Variants in IQGAP2 observed in about 807,000 individuals in gnomAD.
IQGAP2 encodes IQ motif containing GTPase activating protein 2, also known as ras GTPase-activating-like protein IQGAP2.
IQGAP2 carries 173 observed loss-of-function variants against 201.3 expected under a neutral mutation model. The observed-to-expected ratio is 0.86, with a 90% CI of 0.76 to 0.98. IQGAP2 has a LOEUF of 0.98. IQGAP2 is among the 50% of genes least tolerant of loss of function. The pLI, the probability that IQGAP2 is intolerant of heterozygous loss-of-function variation, is 0.00. For synonymous variants in IQGAP2, 675 were observed against 673.9 expected (o/e 1.00, Z -0.03); for missense variants, 1,687 against 1,864.8 (o/e 0.90, Z 1.76).
At chr5:76,704,566 C>T (rs1481567892) in intron 35 of IQGAP2, among the ~76,000 whole-genome samples, 1 of 152,150 alleles carries the variant, frequency 6.6e-6, no homozygotes, top group Non-Finnish European at 1.5e-5. Flanking sequence ...TTTTTTAAAT[C>T]AGTAGTGCAT....
chr5:76,614,605 C>CTTTTTTTTTTTTT (rs10603126), intron 13 of IQGAP2, among the ~76,000 whole-genome samples: 1 of 59,572 alleles, frequency 1.7e-5, no homozygotes, highest in African/African-American at 7.2e-5. Flanking sequence ...TTCCCCTCTG[C>CTTTTTTTTTTTTT]TTTTTTTTTT....
At chr5:76,674,784 C>A in intron 27 of IQGAP2, 75 bp downstream of exon 27, 1 of 1,091,006 alleles carries the variant, frequency 9.2e-7, no homozygotes, top group Non-Finnish European at 1.4e-6. Context: ...GTGCCCAGAG[C>A]TAGAGTGGGC....
intron 5 of IQGAP2, among the ~76,000 whole-genome samples, chr5:76,588,100 G>A (rs1334505304): frequency 1.3e-5 from 2 of 152,062 alleles, no homozygotes; most frequent in African/African-American, 2.4e-5. Flanking sequence ...GAAATTCTAT[G>A]TTCTATAAAC....
intron 25 of IQGAP2, 25 bp downstream of exon 25, chr5:76,673,614 A>G (rs1010631693): frequency 4.7e-5 from 75 of 1,610,760 alleles, no homozygotes; most frequent in Non-Finnish European, 6.2e-5. Context: ...CAGCAAGTTT[A>G]ACATTCTTTC....
chr5:76,672,287 G>C (rs1250901751), intron 24 of IQGAP2, among the ~76,000 whole-genome samples: 1 of 151,264 alleles, frequency 6.6e-6, no homozygotes, highest in African/African-American at 2.4e-5. Context: ...CTGATAATAC[G>C]TACTTTTCTT....
chr5:76,609,193 G>T, intron 12 of IQGAP2: 1 of 1,535,928 alleles, frequency 6.5e-7, no homozygotes, highest in Non-Finnish European at 8.7e-7. Context: ...ATCGGCCTTG[G>T]TTCTGTTAAG....
intron 1 of IQGAP2, among the ~76,000 whole-genome samples, chr5:76,413,141 T>C (rs1751216681): frequency 6.7e-6 from 1 of 150,370 alleles, no homozygotes; most frequent in African/African-American, 2.4e-5. Context: ...TATTTTCTTT[T>C]TTCTTTTCTT....
In IQGAP2 at chr5:76,671,971, C is replaced by G. The variant is rs1744365502; in HGVS notation, c.3056C>G (p.Thr1019Ser). 6.2e-7 allele frequency: 1 copy of G among 1,611,168 alleles called. No individual in the cohort carries two copies. Among genetic ancestry groups the G allele is most frequent in the East Asian group, 2.2e-5 (1 of 44,844 alleles). Reference sequence around the variant, plus strand: ...TGGGTGAACCAACTAGAAACACAGACTGGAGAGGCCAGGTAATAGAATCAG... The same window carrying G: ...TGGGTGAACCAACTAGAAACACAGAGTGGAGAGGCCAGGTAATAGAATCAG... ...KAWVNQLETQ[T>S]GEASKLPYDV... Residue 1019 changes from threonine (T) to serine (S), a missense_variant, in exon 24 of 36, where the codon ACT becomes AGT. Transcript: ENST00000274364.
At chr5:76,568,818 G>C (rs550062876) in intron 3 of IQGAP2, among the ~76,000 whole-genome samples, 80 of 152,276 alleles carry the variant, frequency 5.3e-4, no homozygotes, top group Non-Finnish European at 7.6e-4. Flanking sequence ...TAGGGACTTA[G>C]ATTGTCATCA....
At position 76,581,341 on chromosome 5, in the gene IQGAP2, T is replaced by G. The variant is rs536962656; in HGVS notation, c.458+5572T>G. On this transcript the variant is annotated intron_variant, in intron 5 of 35. Coordinates refer to ENST00000274364, the MANE Select transcript of IQGAP2 (RefSeq NM_006633.5). ...CTCTAACAGTGAACATATTTGCATTTATAAATAAGATTTCCAAAGACAGTT... is the reference window on the plus strand; with the variant it reads ...CTCTAACAGTGAACATATTTGCATTGATAAATAAGATTTCCAAAGACAGTT... Among the ~76,000 whole-genome samples, 48 of 152,378 alleles carry G rather than the reference T, an allele frequency of 3.2e-4. No homozygotes were observed. In the South Asian group the frequency reaches 9.9e-3, roughly 32 times the overall value.
At chr5:76,618,397 C>T in intron 13 of IQGAP2, 1 of 1,614,200 alleles carries the variant, frequency 6.2e-7, no homozygotes, top group East Asian at 2.2e-5. Context: ...ACTACAAACA[C>T]CAGGAGGTAG....
In IQGAP2 at chr5:76,588,932, C is replaced by T. The variant is rs1221343846; in HGVS notation, c.485C>T (p.Ala162Val). Reference protein sequence around the residue: ...LSLYLFKLGIAPQIQDLLGKV... With the variant: ...LSLYLFKLGIVPQIQDLLGKV... The stretch of plus-strand genomic sequence containing the variant: ...TTGTATCTGTTCAAACTAGGAATAG[C>T]ACCCCAGATCCAGGATTTGTTGGGC... Residue 162 changes from alanine to valine, a missense_variant, in exon 6 of 36, where the codon GCA becomes GTA. By Grantham distance (64) the Ala-to-Val change is moderately conservative (BLOSUM62 0). Coordinates refer to ENST00000274364, the MANE Select transcript of IQGAP2 (RefSeq NM_006633.5). The T allele has an allele frequency of 6.2e-7, 1 of 1,608,186 alleles. No individual in the cohort carries two copies. Among genetic ancestry groups the T allele is most frequent in the African/African-American group, 1.3e-5 (1 of 74,656 alleles).
At chr5:76,641,737 G>C (rs1751603901) in intron 17 of IQGAP2, among the ~76,000 whole-genome samples, 1 of 152,150 alleles carries the variant, frequency 6.6e-6, no homozygotes, top group South Asian at 2.1e-4. Context: ...ACTGGTTTGT[G>C]AAAGGCTGTG....
intron 17 of IQGAP2, among the ~76,000 whole-genome samples, chr5:76,642,249 C>G (rs989655438): frequency 6.6e-6 from 1 of 152,086 alleles, no homozygotes; most frequent in African/African-American, 2.4e-5. Context: ...CCCACACTCT[C>G]CAGTCTCAGG....
intron 13 of IQGAP2, among the ~76,000 whole-genome samples, chr5:76,615,096 C>T (rs1748813545): frequency 6.6e-6 from 1 of 152,188 alleles, no homozygotes; most frequent in Non-Finnish European, 1.5e-5. Flanking sequence ...TTGACTTTAA[C>T]ACTTTTTCTA....
intron 15 of IQGAP2, among the ~76,000 whole-genome samples, chr5:76,635,331 T>G (rs931826777): frequency 5.9e-5 from 9 of 152,236 alleles, no homozygotes; most frequent in African/African-American, 2.2e-4. Flanking sequence ...AGCTTTAGAC[T>G]CATTGCCTTT....
chr5:76,579,580 A>G (rs1745700206), intron 5 of IQGAP2, among the ~76,000 whole-genome samples: 1 of 151,790 alleles, frequency 6.6e-6, no homozygotes, highest in East Asian at 1.9e-4. Flanking sequence ...CTTGACCAGC[A>G]TTGTATAATC....
intron 1 of IQGAP2, among the ~76,000 whole-genome samples, chr5:76,436,365 G>A (rs1752646929): frequency 6.7e-6 from 1 of 149,958 alleles, no homozygotes; most frequent in South Asian, 2.1e-4. Context: ...TGTCATATAT[G>A]ACTTTTATTA....
At chr5:76,648,989 A>G (rs368434535) in intron 17 of IQGAP2, among the ~76,000 whole-genome samples, 1 of 152,252 alleles carries the variant, frequency 6.6e-6, no homozygotes, top group Non-Finnish European at 1.5e-5. Flanking sequence ...CTGACAAAGT[A>G]CTTGAAATAA....
Sources: gnomAD v4.1 joint callset for allele counts (sites outside exome capture counted in the v4.1 genomes callset) on GRCh38, gnomAD v4.1.1 for gene constraint, MANE v1.5 for transcripts, NCBI Gene and HGNC (gene_info 2026-07-23, HGNC 2026-07-21) for gene names.